CACNA1D: variants seen among roughly 807,000 people sequenced by gnomAD.
CACNA1D encodes voltage-dependent L-type calcium channel subunit alpha-1D.
Under a neutral mutation model 257.1 loss-of-function variants are expected in CACNA1D, and 55 were observed. That is an observed-to-expected ratio of 0.21 (90% CI 0.17 to 0.27). CACNA1D has a LOEUF of 0.27. Ranked by LOEUF, CACNA1D falls within the 10% of genes least tolerant of loss-of-function variation. The probability of loss-of-function intolerance (pLI) is 1.00; values close to 1 mark genes in which losing one functional copy is unlikely to be tolerated. For synonymous variants in CACNA1D, 980 were observed against 1,014.9 expected (o/e 0.97, Z 0.65); for missense variants, 1,876 against 2,784.0 (o/e 0.67, Z 7.34).
At chr3:53,547,895 TC>T (rs2092447156) in intron 3 of CACNA1D, among the ~76,000 whole-genome samples, 1 of 152,206 alleles carries the variant, frequency 6.6e-6, no homozygotes, top group Non-Finnish European at 1.5e-5. Context: ...AGAAGTTTTC[TC>T]CTGAGGATGT....
intron 5 of CACNA1D, among the ~76,000 whole-genome samples, chr3:53,661,159 C>G (rs77137003): frequency 0.023 from 3,501 of 152,256 alleles, 136 homozygotes; most frequent in African/African-American, 0.08. Flanking sequence ...GTCCTAACAC[C>G]TTTCTGAGGG....
intron 3 of CACNA1D, among the ~76,000 whole-genome samples, chr3:53,594,688 T>G (rs1182854032): frequency 6.6e-6 from 1 of 152,140 alleles, no homozygotes; most frequent in Middle Eastern, 3.2e-3. Flanking sequence ...CATTGTGGAG[T>G]AATGGCAGGT....
rs1354101043 is a variant in CACNA1D, at chr3:53,786,909, T to C, written c.4880T>C (p.Leu1627Pro). Residue 1627 changes from leucine to proline, a missense_variant, in exon 40 of 48, where the codon CTG becomes CCG. Coordinates refer to ENST00000350061, the MANE Select transcript of CACNA1D (RefSeq NM_001128840.3). ...TTCAAGAAACGGAAAGAACAAGGAC[T>C]GGTGGGAAAGTACCCTGCGAAGAAC... ...RKFKKRKEQG[L>P]VGKYPAKNTT... 6.2e-7 allele frequency: 1 copy of C among 1,613,972 alleles called. No individual in the cohort carries two copies. The highest frequency in any genetic ancestry group is 1.3e-5 in the African/African-American group (1 of 74,930).
At chr3:53,670,210 C>T (rs1379859210) in intron 7 of CACNA1D, among the ~76,000 whole-genome samples, 1 of 152,174 alleles carries the variant, frequency 6.6e-6, no homozygotes, top group Non-Finnish European at 1.5e-5. Flanking sequence ...CGAGGGCTTG[C>T]CTTTTTCTTA....
At chr3:53,688,721 A>T (rs888702169) in intron 8 of CACNA1D, among the ~76,000 whole-genome samples, 1 of 152,174 alleles carries the variant, frequency 6.6e-6, no homozygotes, top group African/African-American at 2.4e-5. Flanking sequence ...TCTGACTGTC[A>T]TGAGTTTGGT....
chr3:53,582,144 A>G (rs1256012709), intron 3 of CACNA1D, among the ~76,000 whole-genome samples: 2 of 151,702 alleles, frequency 1.3e-5, no homozygotes, highest in Admixed American at 1.3e-4. Flanking sequence ...CCTTTCGAGC[A>G]TCGTGAAAAG....
At chr3:53,810,901 C>T (rs375111594) in intron 47 of CACNA1D, among the ~76,000 whole-genome samples, 4 of 151,472 alleles carry the variant, frequency 2.6e-5, no homozygotes, top group African/African-American at 9.7e-5. Context: ...GGGTTTCACT[C>T]TTGTTGGGCC....
intron 39 of CACNA1D, among the ~76,000 whole-genome samples, chr3:53,783,555 G>A (rs988830389): frequency 6.6e-6 from 1 of 152,210 alleles, no homozygotes; most frequent in Admixed American, 6.5e-5. Context: ...CCTTAGGAGG[G>A]ATGCAAGGCT....
At chr3:53,706,732 T>G (rs1202526715) in intron 9 of CACNA1D, among the ~76,000 whole-genome samples, 2 of 152,118 alleles carry the variant, frequency 1.3e-5, no homozygotes, top group Admixed American at 1.3e-4. Context: ...AAGTGTACAT[T>G]ATACCCAGTA....
intron 3 of CACNA1D, among the ~76,000 whole-genome samples, chr3:53,644,546 C>T (rs537351906): frequency 1.3e-5 from 2 of 152,248 alleles, no homozygotes; most frequent in East Asian, 3.9e-4. Context: ...TTTTAGACTC[C>T]TCATATAAGT....
chr3:53,785,386 T>G (rs563841376), intron 39 of CACNA1D: 4 of 152,360 alleles, frequency 2.6e-5, no homozygotes, highest in African/African-American at 9.6e-5. Flanking sequence ...TGAGACAGCC[T>G]TCTCACACAG....
At chr3:53,740,597 AG>A in intron 21 of CACNA1D, 1 of 426,142 alleles carries the variant, frequency 2.3e-6, no homozygotes, top group Non-Finnish European at 4.2e-6. Context: ...GGTTGAGCTA[AG>A]TTTTTTTTTT....
chr3:53,638,391 T>C (rs2093910593), intron 3 of CACNA1D, among the ~76,000 whole-genome samples: 1 of 152,162 alleles, frequency 6.6e-6, no homozygotes, highest in Non-Finnish European at 1.5e-5. Context: ...GTTAGGTACA[T>C]TGTGAGTATA....
intron 3 of CACNA1D, among the ~76,000 whole-genome samples, chr3:53,638,714 A>G (rs563281166): frequency 2.0e-5 from 3 of 152,366 alleles, no homozygotes; most frequent in African/African-American, 7.2e-5. Flanking sequence ...TGGCAGAGCC[A>G]GAACCTGAGC....
chr3:53,635,035 T>G (rs1403227729), intron 3 of CACNA1D, among the ~76,000 whole-genome samples: 1 of 152,192 alleles, frequency 6.6e-6, no homozygotes, highest in African/African-American at 2.4e-5. Context: ...AATTACAGCC[T>G]CGGGCTCTGT....
chr3:53,714,344 G>A (rs1035787813), intron 9 of CACNA1D, among the ~76,000 whole-genome samples: 16 of 152,160 alleles, frequency 1.1e-4, no homozygotes, highest in Non-Finnish European at 2.4e-4. Context: ...AGGGGACAAG[G>A]CCATCACCTA....
chr3:53,575,870 C>CACT (rs1312919176), intron 3 of CACNA1D, among the ~76,000 whole-genome samples: 1 of 152,188 alleles, frequency 6.6e-6, no homozygotes, highest in Non-Finnish European at 1.5e-5. Context: ...TGGCAAAAGT[C>CACT]ACTAAGAGAA....
At chr3:53,730,999 A>G in intron 16 of CACNA1D, 78 bp from the exon 17 acceptor site, 1 of 889,032 alleles carries the variant, frequency 1.1e-6, no homozygotes. Context: ...AGCATTATTG[A>G]TTCAGAATCC....
At chr3:53,808,932 G>A (rs1262113578) in intron 46 of CACNA1D, 162 bp downstream of exon 46, 6 of 737,100 alleles carry the variant, frequency 8.1e-6, no homozygotes, top group African/African-American at 1.8e-5. Flanking sequence ...AATAGCTATG[G>A]CCATGAGTCC....
Sources: gnomAD v4.1 joint callset for allele counts (sites outside exome capture counted in the v4.1 genomes callset) on GRCh38, gnomAD v4.1.1 for gene constraint, MANE v1.5 for transcripts, NCBI Gene and HGNC (gene_info 2026-07-23, HGNC 2026-07-21) for gene names.